MLIP: variants seen among roughly 807,000 people sequenced by gnomAD.
The protein encoded by MLIP is muscular LMNA-interacting protein.
A neutral mutation model predicts 84.8 loss-of-function variants in MLIP; 79 were observed. The observed-to-expected ratio is 0.93, with a 90% CI of 0.78 to 1.12. MLIP has a LOEUF of 1.12. Among genes scored for constraint, MLIP ranks in the 50% most tolerant of loss-of-function variants. The probability of loss-of-function intolerance (pLI) is 0.00; values close to 1 mark genes in which losing one functional copy is unlikely to be tolerated. For synonymous variants in MLIP, 504 were observed against 463.0 expected (o/e 1.09, Z -1.14); for missense variants, 1,257 against 1,160.6 (o/e 1.08, Z -1.21).
At chr6:54,176,282 TTG>T (rs1489297285) in intron 9 of MLIP, among the ~76,000 whole-genome samples, 1 of 151,712 alleles carries the variant, frequency 6.6e-6, no homozygotes, top group Admixed American at 6.6e-5. Context: ...CTTTGTTTGT[TTG>T]TTTTTTTGAA....
chr6:54,183,020 A>G (rs190882464), intron 9 of MLIP, among the ~76,000 whole-genome samples: 1 of 152,356 alleles, frequency 6.6e-6, no homozygotes, highest in Admixed American at 6.5e-5. Flanking sequence ...TTACAATGGA[A>G]GCATATTCCT....
intron 1 of MLIP, chr6:54,083,441 C>T (rs548425851): frequency 6.6e-7 from 1 of 1,511,438 alleles, no homozygotes; most frequent in East Asian, 2.5e-5. Context: ...TTGTACAGTG[C>T]TTTGTCATCT....
intron 4 of MLIP, among the ~76,000 whole-genome samples, chr6:54,140,917 T>G (rs1377920427): frequency 3.3e-5 from 5 of 152,196 alleles, no homozygotes; most frequent in Admixed American, 2.6e-4. Context: ...TCCAGTGTGA[T>G]GCTAAGCTGA....
chr6:54,135,955 C>A (rs1298649798), intron 3 of MLIP, among the ~76,000 whole-genome samples: 1 of 151,876 alleles, frequency 6.6e-6, no homozygotes, highest in African/African-American at 2.4e-5. Flanking sequence ...GGTGGGTTTC[C>A]TTGTTTCAGG....
At chr6:54,061,325 C>G (rs1041583649) in intron 1 of MLIP, among the ~76,000 whole-genome samples, 53 of 152,200 alleles carry the variant, frequency 3.5e-4, no homozygotes, top group African/African-American at 1.3e-3. Context: ...AAAACTGTAT[C>G]AAGAGAAAGC....
Position 54,257,373 on chromosome 6 carries a change from A to T in MLIP, c.2976+12A>T. ...TTGATTCCAAAGAGGTAAATGTAAG[A>T]TAGGACTGGATATCTAATTATCCAT... is the stretch of plus-strand genomic sequence containing the variant. On this transcript the variant is annotated intron_variant, in intron 13 of 13. Transcript: ENST00000502396. 6.4e-7 allele frequency: 1 copy of T among 1,571,192 alleles called. No individual in the cohort carries two copies. Among genetic ancestry groups the T allele is most frequent in the East Asian group, 2.2e-5 (1 of 44,628 alleles).
chr6:54,021,138 T>A (rs1448126128), intron 1 of MLIP, among the ~76,000 whole-genome samples: 2 of 152,236 alleles, frequency 1.3e-5, no homozygotes, highest in African/African-American at 4.8e-5. Context: ...ATGTTTCATG[T>A]TAATACCAAT....
At chr6:54,167,872 T>A (rs1775356553) in intron 8 of MLIP, among the ~76,000 whole-genome samples, 1 of 151,868 alleles carries the variant, frequency 6.6e-6, no homozygotes, top group East Asian at 2.0e-4. Flanking sequence ...GCTCAATCTG[T>A]TTTTGGCAAG....
chr6:54,038,474 G>C (rs951161060), intron 1 of MLIP, among the ~76,000 whole-genome samples: 3 of 151,742 alleles, frequency 2.0e-5, no homozygotes, highest in Non-Finnish European at 4.4e-5. Context: ...TAAAAACTCT[G>C]TTCTTTATAA....
chr6:54,129,560 G>A (rs943957692), intron 3 of MLIP, among the ~76,000 whole-genome samples: 1 of 152,192 alleles, frequency 6.6e-6, no homozygotes, highest in Admixed American at 6.5e-5. Flanking sequence ...TCCTGCCTTA[G>A]AGTTAGTGCT....
At chr6:54,070,937 T>A (rs1766445741) in intron 1 of MLIP, among the ~76,000 whole-genome samples, 1 of 152,156 alleles carries the variant, frequency 6.6e-6, no homozygotes, top group Non-Finnish European at 1.5e-5. Context: ...TTGAAGGAAA[T>A]GTTAAATTCC....
chr6:54,050,563 A>G (rs1561892997), intron 1 of MLIP, among the ~76,000 whole-genome samples: 2 of 152,146 alleles, frequency 1.3e-5, no homozygotes, highest in Admixed American at 6.6e-5. Context: ...GCTGCTAGAC[A>G]TTTAGATTGT....
At position 54,202,124 on chromosome 6, in the gene MLIP, G is replaced by T; in HGVS notation, c.2609G>T (p.Arg870Leu). Reference sequence around the variant, plus strand: ...ATGAAGACTAAGCCTGGAGTAATTCGCCCAGTACCTGTAAAATCCAGAATA... The same window carrying T: ...ATGAAGACTAAGCCTGGAGTAATTCTCCCAGTACCTGTAAAATCCAGAATA... ...ESQLTKPGVI[R>L]PVPVKSRILL... Residue 870 changes from arginine (R) to leucine (L), a missense_variant, in exon 11 of 14, where the codon CGC (arginine) becomes CTC (leucine). Physicochemically the swap from Arg to Leu is moderately radical, Grantham distance 102. Transcript: ENST00000502396. The T allele has an allele frequency of 3.1e-6, 5 of 1,589,964 alleles. No homozygotes were observed. Among genetic ancestry groups the T allele is most frequent in the Non-Finnish European group, 4.3e-6 (5 of 1,166,716 alleles).
At position 54,155,621 on chromosome 6, in the gene MLIP, T is replaced by G. The variant is rs865796489; in HGVS notation, c.2290-4746T>G. Among the ~76,000 whole-genome samples, 22 of 152,242 alleles carry G rather than the reference T, an allele frequency of 1.4e-4. 1 individual carries two copies. The Middle Eastern group carries it at 0.01, about 71-fold the overall frequency. On this transcript the variant is annotated intron_variant, in intron 5 of 13. Transcript: ENST00000502396. ...AGCAAATTAGACTAACTCCATATAT[T>G]TGACTAAAAAGTGTTTGCAGTTTCA...
At chr6:54,112,453 A>G (rs1347616130) in intron 1 of MLIP, among the ~76,000 whole-genome samples, 2 of 152,210 alleles carry the variant, frequency 1.3e-5, no homozygotes, top group African/African-American at 4.8e-5. Context: ...AGGTGGTGAA[A>G]AGAGCTAATA....
intron 9 of MLIP, among the ~76,000 whole-genome samples, chr6:54,171,655 G>GGTCAT: frequency 6.6e-6 from 1 of 151,458 alleles, no homozygotes; most frequent in East Asian, 1.9e-4. Context: ...GGTCTTAAAT[G>GGTCAT]AACAAGAGCT....
At chr6:54,111,287 G>T, upstream of MLIP, 1 of 932,032 alleles carries the variant, frequency 1.1e-6, no homozygotes, top group Non-Finnish European at 1.5e-6. Flanking sequence ...CTCTCATAAT[G>T]TTCCAAATCT....
chr6:54,030,623 A>C (rs1214873907), intron 1 of MLIP: 1 of 151,632 alleles, frequency 6.6e-6, no homozygotes, highest in South Asian at 2.1e-4. Context: ...TCTTACCTTC[A>C]TCTGGCATTT....
intron 11 of MLIP, among the ~76,000 whole-genome samples, chr6:54,220,690 C>T (rs892523738): frequency 6.6e-6 from 1 of 151,950 alleles, no homozygotes; most frequent in Non-Finnish European, 1.5e-5. Context: ...ATGAAATATA[C>T]AGAAAGTGAC....
Sources: allele counts gnomAD v4.1 joint callset (sites outside exome capture counted in the v4.1 genomes callset), GRCh38; gene constraint gnomAD v4.1.1; transcripts MANE v1.5; gene names NCBI Gene and HGNC (gene_info 2026-07-23, HGNC 2026-07-21).